The following ATP2C2 variants were observed in gnomAD, a reference collection of about 807,000 sequenced individuals.
The protein encoded by ATP2C2 is ATPase secretory pathway Ca2+ transporting 2, also known as calcium-transporting ATPase type 2C member 2.
ATP2C2 carries 171 observed loss-of-function variants against 110.8 expected under a neutral mutation model. The observed-to-expected ratio is 1.54, with a 90% CI of 1.36 to 1.75. ATP2C2 has a LOEUF of 1.75. ATP2C2 is among the 40% of genes most tolerant of loss of function. The pLI is 0.00. For missense variants in ATP2C2, 1,963 were observed against 1,235.0 expected, an observed-to-expected ratio of 1.59 and a Z score of -8.84; for synonymous variants, 804 against 508.4, an observed-to-expected ratio of 1.58 and a Z score of -7.82.
intron 6 of ATP2C2, among the ~76,000 whole-genome samples, chr16:84,412,233 A>G (rs1386801214): frequency 1.3e-5 from 2 of 151,742 alleles, no homozygotes; most frequent in Non-Finnish European, 2.9e-5. Flanking sequence ...TTGCATTTTT[A>G]TTTTTTAAAC....
chr16:84,420,467 TCTTTC>T (rs1907230827), intron 7 of ATP2C2, among the ~76,000 whole-genome samples: 1 of 121,618 alleles, frequency 8.2e-6, no homozygotes. Flanking sequence ...TCTCTCCCTT[TCTTTC>T]TTTTTTTTTT....
chr16:84,455,243 A>G (rs913503206), intron 21 of ATP2C2, among the ~76,000 whole-genome samples: 5 of 151,978 alleles, frequency 3.3e-5, no homozygotes, highest in African/African-American at 1.2e-4. Flanking sequence ...TGAAGCAGAG[A>G]TGGGATTTGC....
intron 1 of ATP2C2, among the ~76,000 whole-genome samples, chr16:84,393,544 A>G (rs1904787456): frequency 6.6e-6 from 1 of 152,214 alleles, no homozygotes; most frequent in Non-Finnish European, 1.5e-5. Flanking sequence ...AAATGAAAAG[A>G]TAGAGACAGC....
chr16:84,415,370 G>T, intron 6 of ATP2C2, 113 bp from the exon 7 acceptor site: 1 of 847,110 alleles, frequency 1.2e-6, no homozygotes, highest in Non-Finnish European at 2.0e-6. Context: ...GCACAGGGTT[G>T]GTGTATATTA....
chr16:84,404,142 A>G (rs1184153365), intron 2 of ATP2C2, among the ~76,000 whole-genome samples: 1 of 152,226 alleles, frequency 6.6e-6, no homozygotes, highest in East Asian at 1.9e-4. Context: ...CCCCACGTTC[A>G]GGTACGTGAA....
intron 26 of ATP2C2, among the ~76,000 whole-genome samples, chr16:84,463,207 ATGTCGCT>A (rs1911567270): frequency 2.2e-5 from 1 of 45,232 alleles, no homozygotes; most frequent in African/African-American, 1.5e-4. Context: ...CCCAGGGAAC[ATGTCGCT>A]GGGAATTCAT....
chr16:84,408,772 G>C (rs1285736846), intron 4 of ATP2C2, among the ~76,000 whole-genome samples: 1 of 152,054 alleles, frequency 6.6e-6, no homozygotes, highest in Non-Finnish European at 1.5e-5. Context: ...CCTGGGATGA[G>C]GGGAATAGAG....
intron 2 of ATP2C2, chr16:84,404,662 T>C: frequency 3.0e-6 from 1 of 328,818 alleles, no homozygotes; most frequent in Non-Finnish European, 5.9e-6. Context: ...AACATGGTTG[T>C]ACAAACATCT....
At chr16:84,400,120 G>C (rs185422582) in intron 2 of ATP2C2, among the ~76,000 whole-genome samples, 122 of 152,228 alleles carry the variant, frequency 8.0e-4, no homozygotes, top group Middle Eastern at 3.4e-3. Flanking sequence ...TGGGTGCATA[G>C]TACTCCATTG....
chr16:84,441,504 C>A (rs1304261429), intron 14 of ATP2C2, among the ~76,000 whole-genome samples: 1 of 152,192 alleles, frequency 6.6e-6, no homozygotes, highest in Non-Finnish European at 1.5e-5. Context: ...GGGGCTCCCT[C>A]CTCCCCATGT....
At position 84,453,434 on chromosome 16, in the gene ATP2C2, G is replaced by A. The variant is rs923038573; in HGVS notation, c.1980+63G>A. ...GGCCGGGCCAGAGACACTGTGGCTC[G>A]AGGAGCTCATGCGTCCGTCGGGTGA... On this transcript the variant is annotated intron_variant, in intron 20 of 26. Coordinates refer to ENST00000262429, the MANE Select transcript of ATP2C2 (RefSeq NM_014861.4). 33 of 1,598,610 alleles carry A rather than the reference G, an allele frequency of 2.1e-5. No individual in the cohort carries two copies. In the Admixed American group the frequency reaches 3.7e-4, roughly 18 times the overall value.
At chr16:84,461,383 C>G (rs776462817) in intron 24 of ATP2C2, 1 of 453,752 alleles carries the variant, frequency 2.2e-6, no homozygotes, top group South Asian at 2.8e-5. Context: ...ATCCTTCAGC[C>G]TTCCTTGTAG....
Position 84,368,716 on chromosome 16 carries a change from T to C in ATP2C2, c.99+2T>C. On this transcript the variant is annotated splice_donor_variant, in intron 1 of 26. Coordinates refer to ENST00000262429, the MANE Select transcript of ATP2C2 (RefSeq NM_014861.4). LOFTEE classifies it high-confidence loss of function. ...GAGAAGGACGAAGAGGAAGCCTTGG[T>C]GAGTCCCCGCGACTCCGCGCCGGGC... is the stretch of plus-strand genomic sequence containing the variant. 1.3e-6 allele frequency: 2 copies of C among 1,533,568 alleles called. No homozygotes were observed. The highest frequency in any genetic ancestry group is 2.9e-5 in the African/African-American group (2 of 69,212). The allele number at this position is 1,533,568 out of a possible 1,614,324, so 95.0% of individuals were successfully genotyped here. A position where few individuals can be genotyped will look rare whatever the true frequency, so the allele number is the denominator to read the frequency against.
chr16:84,383,465 A>T (rs1307578827), intron 1 of ATP2C2, among the ~76,000 whole-genome samples: 1 of 152,208 alleles, frequency 6.6e-6, no homozygotes, highest in East Asian at 1.9e-4. Flanking sequence ...TGCTCAGCCA[A>T]TGCGGGTTGA....
At position 84,442,580 on chromosome 16, in the gene ATP2C2, T is replaced by C; in HGVS notation, c.1382T>C (p.Leu461Ser). The C allele has an allele frequency of 6.2e-7, 1 of 1,613,950 alleles. No homozygotes were observed. The highest frequency in any genetic ancestry group is 8.5e-7 in the Non-Finnish European group (1 of 1,179,924). Reference sequence around the variant, plus strand: ...ATGGGGCAGCCCACCGAGGGTGCATTGATGGCCCTGGCGATGAAGGTAGGA... The same window carrying C: ...ATGGGGCAGCCCACCGAGGGTGCATCGATGGCCCTGGCGATGAAGGTAGGA... ...AVMGQPTEGALMALAMKMDLS... is the reference protein window; with the variant it reads ...AVMGQPTEGASMALAMKMDLS... The change falls in exon 15 of 27, where the codon TTG (leucine) becomes TCG (serine). Residue 461 changes from leucine (L) to serine (S), a missense_variant. By Grantham distance (145) the Leu-to-Ser change is moderately radical (BLOSUM62 -2). Transcript: ENST00000262429.
At chr16:84,459,477 G>C in intron 23 of ATP2C2, 91 bp downstream of exon 23, 1 of 1,598,382 alleles carries the variant, frequency 6.3e-7, no homozygotes, top group Non-Finnish European at 8.5e-7. Flanking sequence ...AGGCTATAGG[G>C]ATGAACAAAT....
chr16:84,460,638 G>A lies in ATP2C2; in HGVS notation c.2334-16G>A, dbSNP rs1392234729. On this transcript the variant is annotated splice_polypyrimidine_tract_variant and intron_variant, in intron 23 of 26. Transcript: ENST00000262429. Reference sequence around the variant, plus strand: ...TCCTGGTTCATTTCAAAGTGTCTGTGTCTTGTTCGGAGCAGCTTGGGGGTA... The same window carrying A: ...TCCTGGTTCATTTCAAAGTGTCTGTATCTTGTTCGGAGCAGCTTGGGGGTA... 1 of 1,614,054 alleles carries A rather than the reference G, an allele frequency of 6.2e-7. No homozygotes were observed.
intron 11 of ATP2C2, among the ~76,000 whole-genome samples, chr16:84,430,927 G>A (rs971814399): frequency 6.6e-6 from 1 of 152,006 alleles, no homozygotes; most frequent in African/African-American, 2.4e-5. Context: ...CAGCAGGATG[G>A]GGACTCTGCT....
intron 7 of ATP2C2, among the ~76,000 whole-genome samples, chr16:84,420,664 C>T (rs1391041464): frequency 1.3e-5 from 2 of 152,112 alleles, no homozygotes; most frequent in African/African-American, 2.4e-5. Context: ...GTCTGTGACA[C>T]TTTCAGATCC....
Sources: gnomAD v4.1 joint callset for allele counts (sites outside exome capture counted in the v4.1 genomes callset) on GRCh38, gnomAD v4.1.1 for gene constraint, MANE v1.5 for transcripts, NCBI Gene and HGNC (gene_info 2026-07-23, HGNC 2026-07-21) for gene names.